NONO: variants seen among roughly 807,000 people sequenced by gnomAD.
NONO encodes the protein non-POU domain containing octamer binding.
Under a neutral mutation model 40.2 loss-of-function variants are expected in NONO, and 6 were observed. That is an observed-to-expected ratio of 0.15 (90% confidence interval 0.08 to 0.29). NONO has a LOEUF of 0.29. NONO is among the 10% of genes least tolerant of loss of function. The pLI is 1.00. For missense variants in NONO, 133 were observed against 397.8 expected, an observed-to-expected ratio of 0.33 and a Z score of 5.66; for synonymous variants, 89 against 123.3, an observed-to-expected ratio of 0.72 and a Z score of 1.85.
At chrX:71,284,018 G>A (rs2031133350) in intron 1 of NONO, 1 of 112,007 alleles carries the variant, frequency 8.9e-6, no homozygotes, top group Non-Finnish European at 1.9e-5. Context: ...GCCGCCCTGG[G>A]CCCGACGGTG....
At chrX:71,296,391 C>T (rs1001519087) in intron 5 of NONO, among the ~76,000 whole-genome samples, 174 bp from the exon 6 acceptor site, 2 of 111,584 alleles carry the variant, frequency 1.8e-5, no homozygotes, top group African/African-American at 6.5e-5. Flanking sequence ...GGATTACAGG[C>T]GTGAGCCACC....
rs56412609 is a variant in NONO, at chrX:71,290,553, C to T, written c.-9-76C>T. On this transcript the variant is annotated intron_variant, in intron 2 of 11. Transcript: ENST00000276079. ...CCAGAGCACTTAAGGTGATGAATTACATATAAGTCATCAGGAAGGTGGCTG... is the reference window on the plus strand; with the variant it reads ...CCAGAGCACTTAAGGTGATGAATTATATATAAGTCATCAGGAAGGTGGCTG... 4.7e-3 allele frequency: 3,899 copies of T among 831,398 alleles called. 12 individuals are homozygous for T. The highest frequency in any genetic ancestry group is 5.6e-3 in the Non-Finnish European group (3,154 of 565,778). 68.5% of individuals were successfully genotyped at this position (831,398 alleles called of 1,213,427 possible).
At chrX:71,290,844 T>G in intron 3 of NONO, 53 bp downstream of exon 3, 3 of 1,084,032 alleles carry the variant, frequency 2.8e-6, no homozygotes, top group Non-Finnish European at 3.6e-6. Flanking sequence ...GGGAATGGTT[T>G]CTTGGTTTTT....
intron 7 of NONO, 95 bp from the exon 8 acceptor site, chrX:71,297,282 T>G (rs2031473705): frequency 4.6e-6 from 4 of 877,875 alleles, no homozygotes; most frequent in Non-Finnish European, 6.4e-6. Context: ...TCCAAAGGAA[T>G]TAGATCCTCT....
chrX:71,291,727 G>A, intron 3 of NONO, 52 bp from the exon 4 acceptor site: 1 of 937,611 alleles, frequency 1.1e-6, no homozygotes, highest in South Asian at 2.7e-5. Flanking sequence ...TTGAGGATAC[G>A]ACTATAATTC....
In NONO at chrX:71,301,075, CTG is replaced by C. The variant is rs1359524157; in HGVS notation, c.*1003_*1004del. On this transcript the variant is annotated 3_prime_UTR_variant, in exon 12 of 12. Transcript: ENST00000276079. ...GTGCATTTTTTTTTTCATTGGTGTA[CTG>C]TGTTTGATTTGTCTCATATATTTGG... The C allele has an allele frequency of 1.4e-5, 2 of 144,607 alleles. No homozygotes were observed. The highest frequency in any genetic ancestry group is 2.5e-3 in the Middle Eastern group (1 of 396). The allele number at this position is 144,607 out of a possible 1,213,427, so 11.9% of individuals were successfully genotyped here. A position where few individuals can be genotyped will look rare whatever the true frequency, so the allele number is the denominator to read the frequency against.
At chrX:71,290,302 G>A (rs1028475870) in intron 2 of NONO, among the ~76,000 whole-genome samples, 2 of 112,280 alleles carry the variant, frequency 1.8e-5, no homozygotes, top group African/African-American at 6.5e-5. Flanking sequence ...TCCCACCTCC[G>A]CCTCCCAAAG....
intron 2 of NONO, among the ~76,000 whole-genome samples, chrX:71,288,337 G>A (rs1204947637): frequency 9.1e-6 from 1 of 109,888 alleles, no homozygotes; most frequent in Middle Eastern, 4.3e-3. Flanking sequence ...CTGGGCCCAA[G>A]CAGTCCTCCT....
At chrX:71,290,488 T>C in intron 2 of NONO, 141 bp from the exon 3 acceptor site, 1 of 458,823 alleles carries the variant, frequency 2.2e-6, no homozygotes, top group Non-Finnish European at 3.8e-6. Context: ...TTCTTTGTCA[T>C]GGTTGTTCAA....
In NONO at chrX:71,291,676, C is replaced by T. The variant is rs1475722426; in HGVS notation, c.155-103C>T. On this transcript the variant is annotated intron_variant, in intron 3 of 11. Transcript: ENST00000276079. ...TGGGAAATGGTGTTTACATTCTCTA[C>T]AACAATTAATGTTTCCTCATTTATC... 1.7e-5 allele frequency: 11 copies of T among 637,058 alleles called. No individual in the cohort carries two copies. In the South Asian group the frequency reaches 3.4e-4, roughly 20 times the overall value. 52.5% of individuals were successfully genotyped at this position (637,058 alleles called of 1,213,427 possible).
intron 5 of NONO, among the ~76,000 whole-genome samples, chrX:71,295,792 A>C (rs1258803398): frequency 9.0e-6 from 1 of 110,606 alleles, no homozygotes; most frequent in Non-Finnish European, 1.9e-5. Context: ...CTCCGTTTCC[A>C]AAAAAAAAGA....
intron 3 of NONO, 138 bp downstream of exon 3, chrX:71,290,929 ATACT>A (rs1214030559): frequency 1.4e-6 from 1 of 697,519 alleles, no homozygotes; most frequent in Non-Finnish European, 2.0e-6. Context: ...TTACCTCTTA[ATACT>A]TACGATGGAA....
chrX:71,296,719 G>A (rs1298151737), intron 6 of NONO, 59 bp downstream of exon 6: 17 of 1,019,293 alleles, frequency 1.7e-5, no homozygotes, highest in Non-Finnish European at 2.2e-5. Context: ...AGCTTATAAA[G>A]GGATATGTAA....
chrX:71,289,485 G>A (rs969451420), intron 2 of NONO, among the ~76,000 whole-genome samples: 27 of 111,136 alleles, frequency 2.4e-4, no homozygotes, highest in Non-Finnish European at 4.7e-4. Context: ...TAGAGACGGG[G>A]TTTCACCATG....
intron 1 of NONO, chrX:71,283,987 C>G (rs2031131888): frequency 8.9e-6 from 1 of 112,007 alleles, no homozygotes; most frequent in African/African-American, 3.2e-5. Context: ...TTACCCGTGT[C>G]AGTAAGTTGC....
intron 2 of NONO, among the ~76,000 whole-genome samples, chrX:71,284,760 C>G (rs2031152424): frequency 1.8e-5 from 2 of 111,896 alleles, no homozygotes; most frequent in African/African-American, 6.5e-5. Context: ...GCAGCCATCT[C>G]AGTCTTGTAA....
chrX:71,298,382 T>C (rs2031498832), intron 9 of NONO, 87 bp from the exon 10 acceptor site: 4 of 800,324 alleles, frequency 5.0e-6, no homozygotes, highest in South Asian at 2.1e-5. Context: ...TATCACTCTA[T>C]CTACTTCCCT....
At chrX:71,298,046 C>T (rs1455637491) in intron 9 of NONO, 108 bp downstream of exon 9, 9 of 515,144 alleles carry the variant, frequency 1.7e-5, no homozygotes, top group Non-Finnish European at 2.9e-5. Context: ...TGTGAAATAA[C>T]CCTTTAGAAA....
intron 3 of NONO, among the ~76,000 whole-genome samples, 182 bp downstream of exon 3, chrX:71,290,973 A>G (rs970587733): frequency 1.8e-5 from 2 of 112,617 alleles, no homozygotes; most frequent in African/African-American, 3.2e-5. Flanking sequence ...CAAGGAGCAA[A>G]CATGTATGAC....
Sources: allele counts gnomAD v4.1 joint callset (sites outside exome capture counted in the v4.1 genomes callset), GRCh38; gene constraint gnomAD v4.1.1; transcripts MANE v1.5; gene names NCBI Gene and HGNC (gene_info 2026-07-23, HGNC 2026-07-21).